MCPH1: variants seen among roughly 807,000 people sequenced by gnomAD.
MCPH1 encodes the protein microcephalin.
Under a neutral mutation model 84.5 loss-of-function variants are expected in MCPH1, and 104 were observed. That is an observed-to-expected ratio of 1.23 (90% confidence interval 1.05 to 1.45). MCPH1 has a LOEUF of 1.45. Ranked by LOEUF, MCPH1 falls within the 40% of genes most tolerant of loss-of-function variation. MCPH1 has a pLI of 0.00. For synonymous variants in MCPH1, 514 were observed against 366.8 expected, an observed-to-expected ratio of 1.40 and a Z score of -4.58; for missense variants, 1,498 against 1,005.7, an observed-to-expected ratio of 1.49 and a Z score of -6.62.
rs533066252 is a variant in MCPH1 at position 6,621,397 on chromosome 8, C to A, written c.2215-57C>A. On this transcript the variant is annotated intron_variant, in intron 12 of 13. Transcript: ENST00000344683. ...GAAGTAAACTGCAACAGTTCGCCTA[C>A]GCTATGGAGACTGGAGTGGTCCCAC... is the stretch of plus-strand genomic sequence containing the variant. The A allele has an allele frequency of 6.9e-6, 11 of 1,602,702 alleles. No individual in the cohort carries two copies. In the African/African-American group the frequency reaches 9.4e-5, roughly 14 times the overall value.
At chr8:6,477,412 A>C in intron 9 of MCPH1, 182 bp from the exon 10 acceptor site, 4 of 554,116 alleles carry the variant, frequency 7.2e-6, no homozygotes, top group Admixed American at 3.1e-5. Context: ...ACAGTATCTG[A>C]GTTTCTATCT....
chr8:6,587,714 G>T (rs914690376), intron 12 of MCPH1, among the ~76,000 whole-genome samples: 2 of 152,208 alleles, frequency 1.3e-5, no homozygotes, highest in African/African-American at 4.8e-5. Flanking sequence ...TAAGAATGCA[G>T]TATTACTTGC....
intron 1 of MCPH1, among the ~76,000 whole-genome samples, chr8:6,407,621 C>T (rs181706338): frequency 1.3e-5 from 2 of 152,270 alleles, no homozygotes; most frequent in Admixed American, 6.5e-5. Flanking sequence ...AGACTAGAGG[C>T]TTTATACAAA....
At chr8:6,499,267 G>A (rs1229614582) in intron 11 of MCPH1, among the ~76,000 whole-genome samples, 2 of 151,862 alleles carry the variant, frequency 1.3e-5, no homozygotes, top group Admixed American at 1.3e-4. Context: ...TACCGTGTGG[G>A]GATTCAAATA....
At chr8:6,574,673 G>A (rs1826926680) in intron 12 of MCPH1, among the ~76,000 whole-genome samples, 1 of 152,232 alleles carries the variant, frequency 6.6e-6, no homozygotes. Flanking sequence ...TCAGAGTCAT[G>A]TTTAACAAGA....
At chr8:6,632,767 C>T (rs1450404827) in intron 13 of MCPH1, among the ~76,000 whole-genome samples, 1 of 151,960 alleles carries the variant, frequency 6.6e-6, no homozygotes, top group Non-Finnish European at 1.5e-5. Context: ...CAAGAGTGCG[C>T]CATTGCACTC....
chr8:6,631,127 G>C (rs192117748), intron 13 of MCPH1, among the ~76,000 whole-genome samples: 2 of 152,172 alleles, frequency 1.3e-5, no homozygotes, highest in Non-Finnish European at 2.9e-5. Flanking sequence ...GCACATGGTG[G>C]CAACCCAGTT....
intron 11 of MCPH1, among the ~76,000 whole-genome samples, chr8:6,497,654 C>G (rs1279095250): frequency 6.6e-6 from 1 of 152,160 alleles, no homozygotes; most frequent in African/African-American, 2.4e-5. Context: ...CACGGGATGA[C>G]TGGGTACAAC....
At chr8:6,473,506 T>C (rs1235583747) in intron 9 of MCPH1, among the ~76,000 whole-genome samples, 2 of 151,972 alleles carry the variant, frequency 1.3e-5, no homozygotes, top group African/African-American at 4.8e-5. Context: ...TAATTTTTTG[T>C]ATTTTTAGTA....
chr8:6,480,098 C>T (rs1808993239), intron 10 of MCPH1, among the ~76,000 whole-genome samples: 1 of 151,550 alleles, frequency 6.6e-6, no homozygotes, highest in Non-Finnish European at 1.5e-5. Context: ...TGTCAGGGGC[C>T]TGGTTCCTTT....
chr8:6,593,481 A>G (rs532625673), intron 12 of MCPH1, among the ~76,000 whole-genome samples: 1 of 152,124 alleles, frequency 6.6e-6, no homozygotes, highest in Non-Finnish European at 1.5e-5. Context: ...CAGCCTTCCA[A>G]GTAGCTGGAA....
In MCPH1 at chr8:6,607,920, G is replaced by A. The variant is rs565824225; in HGVS notation, c.2215-13534G>A. On this transcript the variant is annotated intron_variant, in intron 12 of 13. Coordinates refer to ENST00000344683, the MANE Select transcript of MCPH1 (RefSeq NM_024596.5). ...ACGGACTAATACACCTACCAGGCCC[G>A]GATTTGTTTGGCAATAAAGTGATCC... Among the ~76,000 whole-genome samples, 15 of 152,316 alleles carry A rather than the reference G, an allele frequency of 9.8e-5. No individual in the cohort carries two copies. In the South Asian group the frequency reaches 1.9e-3, roughly 19 times the overall value.
intron 6 of MCPH1, 82 bp downstream of exon 6, chr8:6,439,178 ATATTT>A: frequency 7.1e-7 from 1 of 1,399,638 alleles, no homozygotes; most frequent in East Asian, 2.4e-5. Flanking sequence ...CTTTGCCTAG[ATATTT>A]TAATGTTTCC....
At chr8:6,571,633 T>C (rs184853005) in intron 12 of MCPH1, among the ~76,000 whole-genome samples, 33 of 152,290 alleles carry the variant, frequency 2.2e-4, no homozygotes, top group Non-Finnish European at 4.4e-5. Context: ...AAAAATGTCA[T>C]ATGTGCTATT....
chr8:6,438,385 A>G (rs1425508096), intron 5 of MCPH1, among the ~76,000 whole-genome samples: 1 of 152,138 alleles, frequency 6.6e-6, no homozygotes, highest in Non-Finnish European at 1.5e-5. Context: ...GGGGGTGAGT[A>G]TCAAAGTTCT....
chr8:6,632,346 A>G (rs1036962170), intron 13 of MCPH1, among the ~76,000 whole-genome samples: 21 of 152,172 alleles, frequency 1.4e-4, no homozygotes, highest in Admixed American at 1.1e-3. Flanking sequence ...ATTTTATGTT[A>G]TGTCTATCAA....
chr8:6,467,660 A>G (rs1807150042), intron 9 of MCPH1, among the ~76,000 whole-genome samples: 1 of 152,070 alleles, frequency 6.6e-6, no homozygotes, highest in South Asian at 2.1e-4. Flanking sequence ...CCGTGGCGAG[A>G]TCATAGCTCA....
At chr8:6,428,266 A>G (rs1419202794) in intron 3 of MCPH1, among the ~76,000 whole-genome samples, 5 of 14,340 alleles carry the variant, frequency 3.5e-4, no homozygotes, top group Non-Finnish European at 1.4e-3. Context: ...TAAACTTAAA[A>G]AAAACTAGGA....
At chr8:6,418,646 G>C (rs1019053028) in intron 3 of MCPH1, among the ~76,000 whole-genome samples, 1 of 151,974 alleles carries the variant, frequency 6.6e-6, no homozygotes, top group South Asian at 2.1e-4. Flanking sequence ...GCAGTGGCGC[G>C]ATCTGTGCTC....
Sources: allele counts gnomAD v4.1 joint callset (sites outside exome capture counted in the v4.1 genomes callset), GRCh38; gene constraint gnomAD v4.1.1; transcripts MANE v1.5; gene names NCBI Gene and HGNC (gene_info 2026-07-23, HGNC 2026-07-21).